Variants in KCNQ5 observed in about 807,000 individuals in gnomAD.
The protein encoded by KCNQ5 is potassium voltage-gated channel subfamily KQT member 5.
In KCNQ5, 30 loss-of-function variants were observed where a neutral mutation model predicts 98.2. The observed-to-expected ratio is 0.31, with a 90% CI of 0.23 to 0.41. The LOEUF (loss-of-function observed/expected upper bound fraction) is 0.41, where lower values mean the gene tolerates loss of function less well. Among genes scored for constraint, KCNQ5 ranks in the 10% least tolerant of loss-of-function variants. KCNQ5 has a pLI of 1.00. For missense variants in KCNQ5, 835 were observed against 1,182.5 expected (o/e 0.71, Z 4.31); for synonymous variants, 458 against 449.4 (o/e 1.02, Z -0.24).
intron 2 of KCNQ5, among the ~76,000 whole-genome samples, chr6:73,040,265 T>C (rs1195866894): frequency 1.3e-5 from 2 of 152,144 alleles, no homozygotes; most frequent in Non-Finnish European, 2.9e-5. Context: ...ACATTTGGGA[T>C]TTTCTTGGGA....
chr6:72,732,166 G>C (rs1023159935), intron 1 of KCNQ5, among the ~76,000 whole-genome samples: 2 of 152,158 alleles, frequency 1.3e-5, no homozygotes, highest in Non-Finnish European at 2.9e-5. Context: ...TCCCTGCCTT[G>C]AGTAATATGC....
intron 1 of KCNQ5, among the ~76,000 whole-genome samples, chr6:72,800,744 A>C (rs924284085): frequency 1.1e-4 from 17 of 151,860 alleles, no homozygotes; most frequent in Admixed American, 5.9e-4. Flanking sequence ...ATCTTTCCTG[A>C]TTTCTCTTGT....
chr6:72,915,505 G>T (rs1267377703), intron 1 of KCNQ5, among the ~76,000 whole-genome samples: 1 of 152,014 alleles, frequency 6.6e-6, no homozygotes, highest in Non-Finnish European at 1.5e-5. Flanking sequence ...TAATTTTCCT[G>T]AGTTTTTCCC....
chr6:72,650,389 A>G (rs1482853336), intron 1 of KCNQ5, among the ~76,000 whole-genome samples: 1 of 152,154 alleles, frequency 6.6e-6, no homozygotes, highest in Non-Finnish European at 1.5e-5. Flanking sequence ...AACTATTTCA[A>G]ATACCTTGAA....
At chr6:72,780,216 G>A (rs1773391242) in intron 1 of KCNQ5, among the ~76,000 whole-genome samples, 1 of 152,170 alleles carries the variant, frequency 6.6e-6, no homozygotes, top group Non-Finnish European at 1.5e-5. Flanking sequence ...AGTTTGCACA[G>A]CTGGTAAAAA....
chr6:72,784,698 A>G (rs1254612273), intron 1 of KCNQ5, among the ~76,000 whole-genome samples: 1 of 152,176 alleles, frequency 6.6e-6, no homozygotes. Context: ...GTCAAGTGGC[A>G]AAGTGACCAA....
intron 1 of KCNQ5, among the ~76,000 whole-genome samples, chr6:72,846,056 C>T (rs1777004035): frequency 6.6e-6 from 1 of 152,120 alleles, no homozygotes. Context: ...CTCAACCACT[C>T]TGCTTATTAA....
intron 5 of KCNQ5, among the ~76,000 whole-genome samples, chr6:73,090,675 G>A (rs558834241): frequency 1.7e-4 from 26 of 151,574 alleles, no homozygotes; most frequent in Non-Finnish European, 2.7e-4. Context: ...GGTGTCCTTC[G>A]CTTCTCAAAA....
Position 73,113,997 on chromosome 6 carries a change from T to C in KCNQ5, c.1125+2594T>C, listed in dbSNP as rs187807051. Among the ~76,000 whole-genome samples the C allele has an allele frequency of 9.9e-4, 151 of 152,320 alleles. 1 individual carries two copies. Among genetic ancestry groups the C allele is most frequent in the African/African-American group, 3.5e-3 (146 of 41,584 alleles). ...AATGCTTGAAGCATTCAAGAGTACTTTTAAAATCTAATCATAGTTTCATTA... is the reference window on the plus strand; with the variant it reads ...AATGCTTGAAGCATTCAAGAGTACTCTTAAAATCTAATCATAGTTTCATTA... On this transcript the variant is annotated intron_variant, in intron 7 of 13. Coordinates refer to ENST00000370398, the MANE Select transcript of KCNQ5 (RefSeq NM_019842.4).
intron 1 of KCNQ5, among the ~76,000 whole-genome samples, chr6:72,907,510 A>G (rs1253904703): frequency 6.6e-6 from 1 of 152,098 alleles, no homozygotes; most frequent in Admixed American, 6.5e-5. Context: ...CTTGTCCTAC[A>G]ATTTATTAAT....
intron 1 of KCNQ5, among the ~76,000 whole-genome samples, chr6:72,839,148 T>C (rs1776671377): frequency 7.4e-6 from 1 of 135,660 alleles, no homozygotes; most frequent in African/African-American, 2.9e-5. Context: ...GGTATTTTTC[T>C]GGACTGTGTA....
chr6:72,805,170 T>C (rs1774886244), intron 1 of KCNQ5, among the ~76,000 whole-genome samples: 2 of 152,190 alleles, frequency 1.3e-5, no homozygotes, highest in African/African-American at 2.4e-5. Flanking sequence ...TTTAACTTGA[T>C]GTGATCCCAT....
intron 1 of KCNQ5, among the ~76,000 whole-genome samples, chr6:72,646,640 T>C (rs749544217): frequency 1.6e-4 from 25 of 152,210 alleles, no homozygotes; most frequent in Non-Finnish European, 2.8e-4. Flanking sequence ...ATATATGTTC[T>C]GCCAATCCAG....
At chr6:73,145,991 C>A (rs1776906818) in intron 10 of KCNQ5, among the ~76,000 whole-genome samples, 1 of 152,120 alleles carries the variant, frequency 6.6e-6, no homozygotes, top group Non-Finnish European at 1.5e-5. Context: ...CCATAATCCA[C>A]CCCCATGATC....
intron 1 of KCNQ5, among the ~76,000 whole-genome samples, chr6:72,669,910 C>CT (rs541665177): frequency 0.15 from 20,906 of 134,940 alleles, 1,629 homozygotes; most frequent in South Asian, 0.19. Flanking sequence ...ACTTTCTTTC[C>CT]TTTTTTTTTT....
chr6:72,809,707 A>T (rs1775151645), intron 1 of KCNQ5, among the ~76,000 whole-genome samples: 1 of 152,246 alleles, frequency 6.6e-6, no homozygotes. Context: ...TCTACAATTC[A>T]GTCCTAAAAA....
chr6:73,001,093 T>G (rs566715471), intron 1 of KCNQ5, among the ~76,000 whole-genome samples: 4 of 152,384 alleles, frequency 2.6e-5, no homozygotes, highest in Admixed American at 6.5e-5. Flanking sequence ...GAAATTTCTC[T>G]TGTTGAAACC....
At chr6:73,048,673 T>C (rs1286821455) in intron 3 of KCNQ5, among the ~76,000 whole-genome samples, 1 of 152,218 alleles carries the variant, frequency 6.6e-6, no homozygotes, top group Non-Finnish European at 1.5e-5. Context: ...TTATTACCCA[T>C]TTATGTTTAT....
At chr6:73,100,971 G>C (rs1582358916) in intron 5 of KCNQ5, among the ~76,000 whole-genome samples, 1 of 152,008 alleles carries the variant, frequency 6.6e-6, no homozygotes, top group Admixed American at 6.5e-5. Context: ...CCAATAACAA[G>C]TAATGAGATT....
Sources: gnomAD v4.1 joint callset for allele counts (sites outside exome capture counted in the v4.1 genomes callset) on GRCh38, gnomAD v4.1.1 for gene constraint, MANE v1.5 for transcripts, NCBI Gene and HGNC (gene_info 2026-07-23, HGNC 2026-07-21) for gene names.